Variants in SPTLC1 observed in about 807,000 individuals in gnomAD.
The protein encoded by SPTLC1 is serine palmitoyltransferase 1.
A neutral mutation model predicts 68.9 loss-of-function variants in SPTLC1; 55 were observed. The ratio of observed to expected loss-of-function variants is 0.80; its 90% confidence interval spans 0.64 to 1.00. The LOEUF (loss-of-function observed/expected upper bound fraction) is 1.00, where lower values mean the gene tolerates loss of function less well. Among genes scored for constraint, SPTLC1 ranks in the 50% least tolerant of loss-of-function variants. The pLI, the probability that SPTLC1 is intolerant of heterozygous loss-of-function variation, is 0.00. For missense variants in SPTLC1, 449 were observed against 573.1 expected, an observed-to-expected ratio of 0.78 and a Z score of 2.21; for synonymous variants, 197 against 201.6, an observed-to-expected ratio of 0.98 and a Z score of 0.19.
chr9:92,053,580 G>A (rs1833784803), intron 8 of SPTLC1, among the ~76,000 whole-genome samples: 3 of 152,142 alleles, frequency 2.0e-5, no homozygotes, highest in Admixed American at 2.0e-4. Context: ...CTATAACTCA[G>A]CATTAAAAAG....
chr9:92,052,077 C>T (rs546914721), intron 8 of SPTLC1, among the ~76,000 whole-genome samples: 2 of 152,246 alleles, frequency 1.3e-5, no homozygotes, highest in African/African-American at 4.8e-5. Flanking sequence ...ATACTTTTTA[C>T]AGAAATGGAA....
chr9:92,037,380 G>A (rs2001676), intron 13 of SPTLC1, among the ~76,000 whole-genome samples: 7,524 of 152,004 alleles, frequency 0.049, 247 homozygotes, highest in Middle Eastern at 0.065. Flanking sequence ...TACATACTAG[G>A]TATATGTCAG....
intron 3 of SPTLC1, among the ~76,000 whole-genome samples, chr9:92,087,659 G>C (rs1457001152): frequency 6.6e-6 from 1 of 152,204 alleles, no homozygotes; most frequent in African/African-American, 2.4e-5. Flanking sequence ...CCCTACTGGG[G>C]GGTGCCTCCC....
chr9:92,086,260 T>C (rs1835125890), intron 3 of SPTLC1, among the ~76,000 whole-genome samples: 1 of 151,222 alleles, frequency 6.6e-6, no homozygotes, highest in Non-Finnish European at 1.5e-5. Flanking sequence ...TTAATATTGT[T>C]ATGTGTGAAT....
At chr9:92,086,434 C>G (rs549169974) in intron 3 of SPTLC1, among the ~76,000 whole-genome samples, 7,015 of 150,368 alleles carry the variant, frequency 0.047, 238 homozygotes, top group Middle Eastern at 0.065. Context: ...TTAGGGCAGG[C>G]CTGGTGGTGA....
intron 8 of SPTLC1, chr9:92,053,875 C>G (rs10992216): frequency 0.034 from 27,171 of 794,600 alleles, 1,235 homozygotes; most frequent in East Asian, 0.28. Flanking sequence ...ATAAATGTCA[C>G]TGTCCTGTAC....
At chr9:92,050,112 T>C (rs1451329166) in intron 8 of SPTLC1, 45 bp from the exon 9 acceptor site, 4 of 1,204,084 alleles carry the variant, frequency 3.3e-6, no homozygotes, top group Non-Finnish European at 1.2e-6. Context: ...TAGCACCATA[T>C]AGAACATATT....
chr9:92,061,439 C>T (rs900946978), intron 6 of SPTLC1, among the ~76,000 whole-genome samples: 9 of 152,090 alleles, frequency 5.9e-5, no homozygotes, highest in African/African-American at 2.2e-4. Flanking sequence ...TCAAGACATT[C>T]TCAGTTAAGA....
chr9:92,043,305 G>A (rs1373858869), intron 12 of SPTLC1, among the ~76,000 whole-genome samples: 1 of 152,076 alleles, frequency 6.6e-6, no homozygotes, highest in African/African-American at 2.4e-5. Context: ...CTCTTTCTCA[G>A]ACTAGTCTTT....
At chr9:92,073,966 T>C (rs1441757650) in intron 5 of SPTLC1, among the ~76,000 whole-genome samples, 2 of 152,196 alleles carry the variant, frequency 1.3e-5, no homozygotes, top group African/African-American at 4.8e-5. Flanking sequence ...GCCATGCCCC[T>C]GTGTGGGCCC....
rs760653684 is a variant in SPTLC1 at position 92,063,488 on chromosome 9, T to C, written c.561-4180A>G. On this transcript the variant is annotated intron_variant, in intron 6 of 14. Transcript: ENST00000262554. ...ACAAATAGCTCCACAAAATAGAAGA[T>C]AGAACGCTTCCCAATTGATTCTGTG... is the stretch of plus-strand genomic sequence containing the variant. Among the ~76,000 whole-genome samples the C allele has an allele frequency of 6.6e-5, 10 of 152,228 alleles. No homozygotes were observed. The East Asian group carries it at 1.5e-3, about 23-fold the overall frequency.
intron 2 of SPTLC1, chr9:92,109,784 C>G (rs564272328): frequency 6.6e-6 from 1 of 152,418 alleles, no homozygotes; most frequent in South Asian, 2.1e-4. Context: ...ACCAGCCTGA[C>G]CAACATGGAG....
At chr9:92,052,258 A>C (rs1202266383) in intron 8 of SPTLC1, among the ~76,000 whole-genome samples, 1 of 152,242 alleles carries the variant, frequency 6.6e-6, no homozygotes, top group African/African-American at 2.4e-5. Context: ...AGAATGAAAC[A>C]GAATAGAGTC....
intron 1 of SPTLC1, among the ~76,000 whole-genome samples, chr9:92,113,103 G>A (rs564859820): frequency 1.8e-4 from 27 of 147,618 alleles, no homozygotes; most frequent in African/African-American, 5.6e-4. Context: ...GCAAAACTCC[G>A]TCTCAAATAA....
intron 9 of SPTLC1, among the ~76,000 whole-genome samples, chr9:92,048,877 C>T (rs1285394311): frequency 5.3e-5 from 8 of 152,200 alleles, no homozygotes; most frequent in Admixed American, 3.9e-4. Context: ...ACATTCTGCT[C>T]TCTACTCTCA....
intron 5 of SPTLC1, among the ~76,000 whole-genome samples, chr9:92,069,087 C>A (rs936515514): frequency 6.6e-6 from 1 of 152,128 alleles, no homozygotes; most frequent in African/African-American, 2.4e-5. Context: ...AAATCAGAGG[C>A]CACAGAGTTG....
Position 92,047,202 on chromosome 9 carries a change from CA to C in SPTLC1, c.1050del (p.Ile350MetfsTer17). The C allele has an allele frequency of 6.2e-7, 1 of 1,614,100 alleles. No individual in the cohort carries two copies. Among genetic ancestry groups the C allele is most frequent in the Non-Finnish European group, 8.5e-7 (1 of 1,179,982 alleles). ...TTCTCTTCCATGATGTTGAGGGCCT[CA>C]ATTGCTGCAGCAGCTAACAGGGGAG... ...SLPPLLAAAA[I>X]EALNIMEENP... On this transcript the variant is annotated frameshift_variant, in exon 11 of 15. Coordinates refer to ENST00000262554, the MANE Select transcript of SPTLC1 (RefSeq NM_006415.4). LOFTEE classifies it high-confidence loss of function.
At chr9:92,099,926 C>G (rs1250674735) in intron 3 of SPTLC1, among the ~76,000 whole-genome samples, 2 of 152,110 alleles carry the variant, frequency 1.3e-5, no homozygotes, top group Non-Finnish European at 2.9e-5. Flanking sequence ...AGGTGCGTAC[C>G]AGGTTATAGG....
At chr9:92,070,399 T>C (rs1233466035) in intron 5 of SPTLC1, 2 of 152,262 alleles carry the variant, frequency 1.3e-5, no homozygotes, top group African/African-American at 2.4e-5. Flanking sequence ...TTTCACTAAC[T>C]GGAGCTGTAG....
Sources: gnomAD v4.1 joint callset for allele counts (sites outside exome capture counted in the v4.1 genomes callset) on GRCh38, gnomAD v4.1.1 for gene constraint, MANE v1.5 for transcripts, NCBI Gene and HGNC (gene_info 2026-07-23, HGNC 2026-07-21) for gene names.